Variants in PALS1 observed in about 807,000 individuals in gnomAD.
PALS1 encodes protein PALS1.
A neutral mutation model predicts 78.9 loss-of-function variants in PALS1; 31 were observed. That is an observed-to-expected ratio of 0.39 (90% confidence interval 0.30 to 0.53). The LOEUF is 0.53. PALS1 is among the 20% of genes least tolerant of loss of function. The pLI, the probability that PALS1 is intolerant of heterozygous loss-of-function variation, is 0.67. For missense variants in PALS1, 704 were observed against 826.5 expected (o/e 0.85, Z 1.82); for synonymous variants, 276 against 270.9 (o/e 1.02, Z -0.18).
At position 67,302,506 on chromosome 14, in the gene PALS1, G is replaced by A. The variant is rs746157195; in HGVS notation, c.898G>A (p.Glu300Lys). Residue 300 changes from glutamate (E) to lysine (K), a missense_variant, in exon 7 of 15, where the codon GAA becomes AAA. By Grantham distance (56) the Glu-to-Lys change is moderately conservative (BLOSUM62 1). Coordinates refer to ENST00000261681, the MANE Select transcript of PALS1 (RefSeq NM_022474.4). ...AAGTGGTCTGTTGCATGAAGGAGATGAAGTTCTAGAGATTAATGGCATTGA... is the reference window on the plus strand; with the variant it reads ...AAGTGGTCTGTTGCATGAAGGAGATAAAGTTCTAGAGATTAATGGCATTGA... ...EKSGLLHEGDEVLEINGIEIR... is the reference protein window; with the variant it reads ...EKSGLLHEGDKVLEINGIEIR... The A allele has an allele frequency of 5.0e-6, 8 of 1,596,552 alleles. No homozygotes were observed. Among genetic ancestry groups the A allele is most frequent in the Non-Finnish European group, 8.5e-7 (1 of 1,171,894 alleles).
At chr14:67,247,932 A>G (rs982081225) in intron 1 of PALS1, among the ~76,000 whole-genome samples, 1 of 152,150 alleles carries the variant, frequency 6.6e-6, no homozygotes, top group Non-Finnish European at 1.5e-5. Context: ...TTAAAAAATG[A>G]TATTAGCTGT....
At chr14:67,286,929 C>G (rs866143223) in intron 3 of PALS1, among the ~76,000 whole-genome samples, 2 of 146,274 alleles carry the variant, frequency 1.4e-5, no homozygotes, top group Non-Finnish European at 3.0e-5. Flanking sequence ...AAAAATGTAC[C>G]CTTTATGGCT....
chr14:67,307,506 G>T lies in PALS1; in HGVS notation c.1041+3907G>T, dbSNP rs12589703. 4.9e-4 allele frequency among the ~76,000 whole-genome samples: 74 copies of T among 152,292 alleles called. 1 individual carries two copies. In the East Asian group the frequency reaches 0.013, roughly 27 times the overall value. On this transcript the variant is annotated intron_variant, in intron 8 of 14. Transcript: ENST00000261681. ...AGCTATTATTATGATTATGTACTCT[G>T]TGCCAGGCACTACAGAGATAACTGT...
Position 67,289,348 on chromosome 14 carries a change from A to G in PALS1, c.368-3163A>G, listed in dbSNP as rs534122063. Among the ~76,000 whole-genome samples, 14 of 152,216 alleles carry G rather than the reference A, an allele frequency of 9.2e-5. No homozygotes were observed. The East Asian group carries it at 1.5e-3, about 17-fold the overall frequency. On this transcript the variant is annotated intron_variant, in intron 3 of 14. Transcript: ENST00000261681. ...CTCTGAACAATACAATATAACAGCT[A>G]TTTACATTGTATTAAGTATTATAAG...
intron 3 of PALS1, among the ~76,000 whole-genome samples, chr14:67,281,406 A>T (rs148327613): frequency 1.3e-5 from 2 of 152,186 alleles, no homozygotes; most frequent in African/African-American, 2.4e-5. Flanking sequence ...TAATACCTTT[A>T]TGTGAAAGAA....
intron 2 of PALS1, among the ~76,000 whole-genome samples, chr14:67,275,330 G>C (rs1430162277): frequency 6.6e-6 from 1 of 152,164 alleles, no homozygotes; most frequent in Non-Finnish European, 1.5e-5. Flanking sequence ...TTAGCATGAA[G>C]GGCTATTGAA....
chr14:67,264,218 C>G (rs1400165654), intron 1 of PALS1, among the ~76,000 whole-genome samples: 1 of 152,096 alleles, frequency 6.6e-6, no homozygotes. Context: ...AACCTGTCTC[C>G]TCGTTTGTCA....
intron 4 of PALS1, among the ~76,000 whole-genome samples, chr14:67,299,925 T>C (rs937653838): frequency 6.6e-6 from 1 of 152,226 alleles, no homozygotes; most frequent in African/African-American, 2.4e-5. Context: ...AGGTGTATGA[T>C]CAAGACTACA....
In PALS1 at chr14:67,320,336, G is replaced by C. The variant is rs762476067; in HGVS notation, c.1476G>C (p.Gln492His). 1.9e-6 allele frequency: 3 copies of C among 1,613,410 alleles called. No individual in the cohort carries two copies. The Admixed American group carries it at 5.0e-5, about 27-fold the overall frequency. ...IILIGPQNCGQNELRQRLMNK... is the reference protein window; with the variant it reads ...IILIGPQNCGHNELRQRLMNK... Reference sequence around the variant, plus strand: ...TGATTGGTCCACAGAACTGTGGCCAGAATGAATTGCGTCAGAGGCTCATGA... The same window carrying C: ...TGATTGGTCCACAGAACTGTGGCCACAATGAATTGCGTCAGAGGCTCATGA... Residue 492 changes from glutamine (Q) to histidine (H), a missense_variant, in exon 12 of 15, where the codon CAG becomes CAC. Physicochemically the swap from Gln to His is conservative, Grantham distance 24. Transcript: ENST00000261681.
chr14:67,261,812 T>A (rs1016878156), intron 1 of PALS1, among the ~76,000 whole-genome samples: 1 of 152,080 alleles, frequency 6.6e-6, no homozygotes, highest in Non-Finnish European at 1.5e-5. Flanking sequence ...GTTACCACAA[T>A]CAGGTACTAA....
At chr14:67,306,016 G>A (rs969429823) in intron 8 of PALS1, among the ~76,000 whole-genome samples, 1 of 152,084 alleles carries the variant, frequency 6.6e-6, no homozygotes, top group Non-Finnish European at 1.5e-5. Flanking sequence ...TCTTGTCACC[G>A]AGGCAAGCAG....
chr14:67,315,179 G>A (rs2085149063), intron 9 of PALS1, among the ~76,000 whole-genome samples: 1 of 150,602 alleles, frequency 6.6e-6, no homozygotes, highest in Non-Finnish European at 1.5e-5. Flanking sequence ...TGCCACAGAA[G>A]TACATCATTG....
chr14:67,253,953 A>ATT (rs1555516829), intron 1 of PALS1, among the ~76,000 whole-genome samples: 5 of 138,650 alleles, frequency 3.6e-5, no homozygotes, highest in Admixed American at 1.5e-4. Context: ...TTGTGTTAAT[A>ATT]TTTTGTTTTG....
intron 2 of PALS1, among the ~76,000 whole-genome samples, chr14:67,274,015 G>C (rs2140621974): frequency 6.6e-6 from 1 of 152,264 alleles, no homozygotes; most frequent in Non-Finnish European, 1.5e-5. Context: ...GTAGATTCTG[G>C]ATATTAGCCC....
chr14:67,248,300 C>T (rs912117833), intron 1 of PALS1, among the ~76,000 whole-genome samples: 4 of 151,708 alleles, frequency 2.6e-5, no homozygotes, highest in Non-Finnish European at 5.9e-5. Flanking sequence ...GTGGGAGGGT[C>T]GCTTGAGCCC....
At chr14:67,253,723 C>T (rs1236355404) in intron 1 of PALS1, among the ~76,000 whole-genome samples, 1 of 151,916 alleles carries the variant, frequency 6.6e-6, no homozygotes, top group Non-Finnish European at 1.5e-5. Flanking sequence ...TTCCTGTAGT[C>T]CCAGCTACTT....
At chr14:67,314,888 T>A (rs922731673) in intron 9 of PALS1, among the ~76,000 whole-genome samples, 4 of 152,102 alleles carry the variant, frequency 2.6e-5, no homozygotes, top group Non-Finnish European at 5.9e-5. Context: ...CCCAGGAGTT[T>A]GAGACTAGCC....
At position 67,334,621 on chromosome 14, in the gene PALS1, C is replaced by G. The variant is rs980424401; in HGVS notation, c.*1665C>G. The stretch of plus-strand genomic sequence containing the variant: ...AAATTTGCATGGCCTATTAAGTTGG[C>G]TGGAGAGTGTTTTATGTGGAAATAT... On this transcript the variant is annotated 3_prime_UTR_variant, in exon 15 of 15. Transcript: ENST00000261681. 1 of 152,338 alleles carries G rather than the reference C, an allele frequency of 6.6e-6. No homozygotes were observed. The highest frequency in any genetic ancestry group is 2.4e-5 in the African/African-American group (1 of 41,316). The allele number at this position is 152,338 out of a possible 1,614,324, so 9.4% of individuals were successfully genotyped here. A position where few individuals can be genotyped will look rare whatever the true frequency, so the allele number is the denominator to read the frequency against.
At chr14:67,320,531 G>A (rs755131096) in intron 12 of PALS1, 134 bp downstream of exon 12, 2 of 794,564 alleles carry the variant, frequency 2.5e-6, no homozygotes, top group African/African-American at 1.8e-5. Flanking sequence ...TTTAACCAAA[G>A]ATTTTGACAA....
Sources: allele counts gnomAD v4.1 joint callset (sites outside exome capture counted in the v4.1 genomes callset), GRCh38; gene constraint gnomAD v4.1.1; transcripts MANE v1.5; gene names NCBI Gene and HGNC (gene_info 2026-07-23, HGNC 2026-07-21).